SYN1: variants seen among roughly 807,000 people sequenced by gnomAD.
SYN1 encodes synapsin-1.
In SYN1, 8 loss-of-function variants were observed where a neutral mutation model predicts 44.6. The observed-to-expected ratio is 0.18, with a 90% CI of 0.11 to 0.32. SYN1 has a LOEUF of 0.32. SYN1 is among the 10% of genes least tolerant of loss of function. The pLI, the probability that SYN1 is intolerant of heterozygous loss-of-function variation, is 1.00. For synonymous variants in SYN1, 275 were observed against 280.1 expected, an observed-to-expected ratio of 0.98 and a Z score of 0.18; for missense variants, 451 against 639.4, an observed-to-expected ratio of 0.71 and a Z score of 3.18.
rs764325409 is a variant in SYN1 at position 47,605,161 on chromosome X, C to T, written c.684+62G>A. On this transcript the variant is annotated intron_variant, in intron 4 of 12. Coordinates refer to ENST00000295987, the MANE Select transcript of SYN1 (RefSeq NM_006950.3). Reference sequence around the variant, plus strand: ...ACTTCCCCAAATCGCAGACTGGTTTCAAGCTCCCACATACATGCATGAGCT... The same window carrying T: ...ACTTCCCCAAATCGCAGACTGGTTTTAAGCTCCCACATACATGCATGAGCT... The T allele has an allele frequency of 1.3e-5, 16 of 1,200,497 alleles. No homozygotes were observed. In the Admixed American group the frequency reaches 3.5e-4, roughly 27 times the overall value.
chrX:47,597,598 G>GA (rs1038657727), intron 5 of SYN1, among the ~76,000 whole-genome samples: 1 of 110,245 alleles, frequency 9.1e-6, no homozygotes, highest in South Asian at 3.8e-4. Flanking sequence ...AGAAAAGAGA[G>GA]AAAAAAAGGT....
At chrX:47,577,974 G>A (rs1243241509) in intron 5 of SYN1, among the ~76,000 whole-genome samples, 4 of 110,205 alleles carry the variant, frequency 3.6e-5, no homozygotes, top group Admixed American at 2.9e-4. Flanking sequence ...TGAGAGGCAT[G>A]AGCCCTTGGA....
Position 47,619,616 on chromosome X carries a change from T to G in SYN1, c.113A>C (p.His38Pro). ...PQPPPPPPGA[H>P]SPGATPGPGT... ...GGGACCGGGCGTGGCTCCGGGGCTG[T>G]GGGCACCGGGCGGCGGTGGGGGCGG... is the stretch of plus-strand genomic sequence containing the variant. The change falls in exon 1 of 13, where the codon CAC becomes CCC. Residue 38 changes from histidine to proline, a missense_variant. By Grantham distance (77) the His-to-Pro change is moderately conservative. Transcript: ENST00000295987. 8.6e-7 allele frequency: 1 copy of G among 1,159,988 alleles called. No individual in the cohort carries two copies. The highest frequency in any genetic ancestry group is 1.2e-6 in the Non-Finnish European group (1 of 869,001).
intron 5 of SYN1, among the ~76,000 whole-genome samples, chrX:47,578,110 C>T (rs1302628475): frequency 9.0e-6 from 1 of 110,939 alleles, no homozygotes; most frequent in Non-Finnish European, 1.9e-5. Context: ...CAGCCAGGTG[C>T]CCATAGCGTG....
intron 5 of SYN1, chrX:47,585,811 C>T (rs1480251303): frequency 2.2e-5 from 25 of 1,154,297 alleles, no homozygotes; most frequent in Non-Finnish European, 2.8e-5. Flanking sequence ...ATCTCTCTTG[C>T]TATTTCCCCA....
chrX:47,600,122 A>C lies in SYN1; in HGVS notation c.774+4856T>G, dbSNP rs764730372. 4.4e-5 allele frequency among the ~76,000 whole-genome samples: 5 copies of C among 112,549 alleles called. No individual in the cohort carries two copies. In the East Asian group the frequency reaches 1.4e-3, roughly 31 times the overall value. ...GCAGAATTGGAGACAGAAATAGACA[A>C]TTCAACAATTATAGCTGAAGACTTC... On this transcript the variant is annotated intron_variant, in intron 5 of 12. Transcript: ENST00000295987.
chrX:47,585,932 G>T, intron 5 of SYN1: 1 of 1,106,449 alleles, frequency 9.0e-7, no homozygotes, highest in African/African-American at 1.8e-5. Flanking sequence ...TGACTATTCT[G>T]TAATCCCACT....
chrX:47,581,652 C>G (rs1406728450), intron 5 of SYN1, among the ~76,000 whole-genome samples: 1 of 112,170 alleles, frequency 8.9e-6, no homozygotes, highest in Non-Finnish European at 1.9e-5. Context: ...TTCCTCTACG[C>G]CCCATATTTC....
intron 1 of SYN1, among the ~76,000 whole-genome samples, chrX:47,613,619 A>G (rs1046938112): frequency 8.9e-6 from 1 of 111,794 alleles, no homozygotes; most frequent in Non-Finnish European, 1.9e-5. Context: ...CCAGCACGAG[A>G]CCCTGCATAA....
At position 47,571,937 on chromosome X, in the gene SYN1, C is replaced by T. The variant is rs1319629524; in HGVS notation, c.*927G>A. 1 of 167,041 alleles carries T rather than the reference C, an allele frequency of 6.0e-6. No homozygotes were observed. Among genetic ancestry groups the T allele is most frequent in the Non-Finnish European group, 1.1e-5 (1 of 88,381 alleles). The allele number at this position is 167,041 out of a possible 1,213,427, so 13.8% of individuals were successfully genotyped here. ...TGCTTGTTTATTTTGTTTCCCGACT[C>T]TTCTCTTGGGGTTCAGAGCCGCTGA... On this transcript the variant is annotated 3_prime_UTR_variant, in exon 13 of 13. Coordinates refer to ENST00000295987, the MANE Select transcript of SYN1 (RefSeq NM_006950.3).
chrX:47,578,541 C>T (rs1257425870), intron 5 of SYN1, among the ~76,000 whole-genome samples: 1 of 111,762 alleles, frequency 8.9e-6, no homozygotes, highest in African/African-American at 3.3e-5. Context: ...CCAGAGACAC[C>T]CACAACTCAG....
At chrX:47,607,710 T>A (rs1441219845) in intron 1 of SYN1, among the ~76,000 whole-genome samples, 1 of 72,762 alleles carries the variant, frequency 1.4e-5, no homozygotes, top group African/African-American at 5.7e-5. Context: ...GAGACCCCCA[T>A]CTCTACAAAA....
At chrX:47,586,865 G>A in intron 5 of SYN1, 1 of 533,270 alleles carries the variant, frequency 1.9e-6, no homozygotes, top group Non-Finnish European at 2.9e-6. Context: ...GGGACCAGTG[G>A]GGATGAGGGA....
intron 9 of SYN1, 117 bp downstream of exon 9, chrX:47,576,014 G>T: frequency 1.3e-6 from 1 of 754,201 alleles, no homozygotes; most frequent in Non-Finnish European, 2.0e-6. Flanking sequence ...ACCTTACAGT[G>T]TACTAAGCAC....
chrX:47,604,248 C>A (rs1364758195), intron 5 of SYN1, among the ~76,000 whole-genome samples: 1 of 107,700 alleles, frequency 9.3e-6, no homozygotes, highest in South Asian at 4.0e-4. Context: ...AGTTCAATTT[C>A]TATTAATTAA....
chrX:47,604,827 G>A (rs773192226), intron 5 of SYN1, 151 bp downstream of exon 5: 24 of 529,605 alleles, frequency 4.5e-5, no homozygotes, highest in Admixed American at 1.1e-4. Flanking sequence ...GGAAATTCAC[G>A]GTAGACCCTA....
chrX:47,616,855 G>T (rs1452339765), intron 1 of SYN1, among the ~76,000 whole-genome samples: 2 of 111,442 alleles, frequency 1.8e-5, no homozygotes, highest in Non-Finnish European at 3.8e-5. Context: ...GAGCTTTCAG[G>T]ATTGTGTTGT....
intron 5 of SYN1, chrX:47,585,956 C>A: frequency 9.3e-7 from 1 of 1,075,182 alleles, no homozygotes; most frequent in Non-Finnish European, 1.2e-6. Flanking sequence ...CGTTCCTGAG[C>A]CCCCGGGATT....
At position 47,574,403 on chromosome X, in the gene SYN1, C is replaced by G. The variant is rs1247372367; in HGVS notation, c.1581G>C (p.Gln527His). ...QPASQAAPPT[Q>H]GQGRQSRPVA... is the part of the protein sequence containing the mutation. ...CTGGCCGGGATTGGCGGCCTTGACC[C>G]TGGGTCGGCGGCGCGGCCTGGGACG... Residue 527 changes from glutamine (Q) to histidine (H), a missense_variant, in exon 12 of 13, where the codon CAG (glutamine) becomes CAC (histidine). Physicochemically the swap from Gln to His is conservative, Grantham distance 24. Transcript: ENST00000295987. The G allele has an allele frequency of 9.7e-7, 1 of 1,027,549 alleles. No homozygotes were observed. The highest frequency in any genetic ancestry group is 2.0e-5 in the African/African-American group (1 of 49,223). 84.7% of individuals were successfully genotyped at this position (1,027,549 alleles called of 1,213,427 possible). A position where few individuals can be genotyped will look rare whatever the true frequency, so the allele number is the denominator to read the frequency against.
Sources: allele counts gnomAD v4.1 joint callset (sites outside exome capture counted in the v4.1 genomes callset), GRCh38; gene constraint gnomAD v4.1.1; transcripts MANE v1.5; gene names NCBI Gene and HGNC (gene_info 2026-07-23, HGNC 2026-07-21).